The following ACO2 variants were observed in gnomAD, a reference collection of about 807,000 sequenced individuals.
The protein encoded by ACO2 is aconitase 2, also known as aconitate hydratase, mitochondrial.
A neutral mutation model predicts 84.5 loss-of-function variants in ACO2; 31 were observed. That is an observed-to-expected ratio of 0.37 (90% CI 0.28 to 0.50). The LOEUF (loss-of-function observed/expected upper bound fraction) is 0.50. ACO2 is among the 20% of genes least tolerant of loss of function. The pLI is 0.97. For missense variants in ACO2, 685 were observed against 1,029.3 expected (o/e 0.67, Z 4.58); for synonymous variants, 414 against 412.7 (o/e 1.00, Z -0.04).
At chr22:41,479,773 A>T (rs1160814068) in intron 1 of ACO2, among the ~76,000 whole-genome samples, 1 of 152,196 alleles carries the variant, frequency 6.6e-6, no homozygotes, top group Non-Finnish European at 1.5e-5. Flanking sequence ...GCCCGTCTCA[A>T]GTGTGTAGGT....
chr22:41,522,961 C>T lies in ACO2; in HGVS notation c.1270C>T (p.Arg424Cys), dbSNP rs767183173. Residue 424 changes from arginine (R) to cysteine (C), a missense_variant, in exon 10 of 18, where the codon CGC becomes TGC. Physicochemically the swap from Arg to Cys is radical, Grantham distance 180. Transcript: ENST00000216254. Reference sequence around the variant, plus strand: ...CATCACTCCAGGTTCCGAGCAGATCCGCGCCACCATTGAGCGGGACGGCTA... The same window carrying T: ...CATCACTCCAGGTTCCGAGCAGATCTGCGCCACCATTGAGCGGGACGGCTA... ...FTITPGSEQIRATIERDGYAQ... is the reference protein window; with the variant it reads ...FTITPGSEQICATIERDGYAQ... 22 of 1,614,084 alleles carry T rather than the reference C, an allele frequency of 1.4e-5. No individual in the cohort carries two copies. The highest frequency in any genetic ancestry group is 6.6e-5 in the South Asian group (6 of 91,088).
intron 1 of ACO2, among the ~76,000 whole-genome samples, chr22:41,485,796 A>G (rs1390357361): frequency 6.6e-6 from 1 of 151,992 alleles, no homozygotes; most frequent in Non-Finnish European, 1.5e-5. Context: ...CATGTTGGTC[A>G]GGCTGGTCTC....
chr22:41,518,610 G>T, intron 8 of ACO2, 38 bp downstream of exon 8: 1 of 1,492,918 alleles, frequency 6.7e-7, no homozygotes, highest in Non-Finnish European at 9.3e-7. Flanking sequence ...AAGTTTCTGA[G>T]AGTAGTGGGG....
At position 41,512,523 on chromosome 22, in the gene ACO2, G is replaced by A. The variant is rs528527587; in HGVS notation, c.525+555G>A. Among the ~76,000 whole-genome samples the A allele has an allele frequency of 4.3e-4, 66 of 152,320 alleles. 2 individuals carry two copies. In the South Asian group the frequency reaches 0.013, roughly 29 times the overall value. ...GCTGGCTTACTGTGGAGCCAGGCCT[G>A]TGGGCAGGAGGGCTGGTCTGGAGCG... On this transcript the variant is annotated intron_variant, in intron 4 of 17. Transcript: ENST00000216254.
chr22:41,527,491 G>A (rs1204379476), intron 16 of ACO2, 71 bp downstream of exon 16: 3 of 1,539,726 alleles, frequency 1.9e-6, no homozygotes, highest in Non-Finnish European at 2.6e-6. Flanking sequence ...CCCTGCCCGT[G>A]GCTGAGTTGG....
Position 41,509,155 on chromosome 22 carries a change from G to A in ACO2, c.432+1106G>A, listed in dbSNP as rs548954406. Among the ~76,000 whole-genome samples, 15 of 152,300 alleles carry A rather than the reference G, an allele frequency of 9.8e-5. No individual in the cohort carries two copies. In the South Asian group the frequency reaches 2.1e-3, roughly 21 times the overall value. ...CCGGGAACTGCACATGGCCGGGAACGTGGGTCCTCTGCAGCCCTGGGGACA... is the reference window on the plus strand; with the variant it reads ...CCGGGAACTGCACATGGCCGGGAACATGGGTCCTCTGCAGCCCTGGGGACA... On this transcript the variant is annotated intron_variant, in intron 3 of 17. Transcript: ENST00000216254.
Position 41,525,266 on chromosome 22 carries a change from C to T in ACO2, c.1679C>T (p.Pro560Leu). 1.2e-6 allele frequency: 2 copies of T among 1,614,036 alleles called. No homozygotes were observed. Among genetic ancestry groups the T allele is most frequent in the South Asian group, 2.2e-5 (2 of 91,080 alleles). ...DSSGQHVDVS[P>L]TSQRLQLLEP... ...AGCGGGCAGCATGTGGACGTGAGCC[C>T]CACCAGCCAGCGCCTGCAGCTCCTG... The change falls in exon 14 of 18, where the codon CCC (proline) becomes CTC (leucine). Residue 560 changes from proline to leucine, a missense_variant. Physicochemically the swap from Pro to Leu is moderately conservative, Grantham distance 98. Around this residue, in one of 5 missense-constraint regions of ACO2, gnomAD observed 311 missense variants for 441.6 expected, o/e 0.70. Coordinates refer to ENST00000216254, the MANE Select transcript of ACO2 (RefSeq NM_001098.3).
chr22:41,512,992 C>T (rs1472774107), intron 4 of ACO2, among the ~76,000 whole-genome samples: 1 of 152,188 alleles, frequency 6.6e-6, no homozygotes, highest in East Asian at 1.9e-4. Context: ...AATCTGACGC[C>T]GCATGGGCTC....
At chr22:41,496,275 A>G (rs1164200411) in intron 1 of ACO2, among the ~76,000 whole-genome samples, 1 of 152,086 alleles carries the variant, frequency 6.6e-6, no homozygotes, top group Non-Finnish European at 1.5e-5. Context: ...AGATCGTGCC[A>G]CTACACTCCA....
chr22:41,474,320 G>T (rs1423408260), intron 1 of ACO2, among the ~76,000 whole-genome samples: 6 of 147,270 alleles, frequency 4.1e-5, no homozygotes, highest in African/African-American at 7.7e-5. Context: ...TTGAGACAGG[G>T]TCTCGCTCTG....
chr22:41,518,368 G>C (rs1167794850), intron 7 of ACO2, 113 bp from the exon 8 acceptor site: 4 of 771,128 alleles, frequency 5.2e-6, no homozygotes, highest in African/African-American at 5.2e-5. Context: ...CATTGGCCTA[G>C]TCAGTGCCCA....
rs1395288245 is a variant in ACO2 at position 41,527,555 on chromosome 22, CCTT to C, written c.2086+139_2086+141del. The C allele has an allele frequency of 2.6e-5, 33 of 1,246,152 alleles. No individual in the cohort carries two copies. In the Admixed American group the frequency reaches 6.6e-4, roughly 25 times the overall value. The allele number at this position is 1,246,152 out of a possible 1,614,324, so 77.2% of individuals were successfully genotyped here. On this transcript the variant is annotated intron_variant, in intron 16 of 17. Transcript: ENST00000216254. ...CCCACAGGCCCGTCAGCCTCTTGCC[CCTT>C]CTTAGGCTCACACAGTGCACATCCG...
chr22:41,500,244 A>AG (rs1163505028), intron 2 of ACO2, among the ~76,000 whole-genome samples: 1 of 152,088 alleles, frequency 6.6e-6, no homozygotes, highest in African/African-American at 2.4e-5. Context: ...ACAGGCACAG[A>AG]GGAGAGCTCA....
intron 3 of ACO2, among the ~76,000 whole-genome samples, chr22:41,508,826 C>T (rs1057201818): frequency 6.6e-6 from 1 of 152,210 alleles, no homozygotes; most frequent in Non-Finnish European, 1.5e-5. Flanking sequence ...GGAGTGGGTC[C>T]CCCTCACGGG....
chr22:41,499,682 C>G, intron 1 of ACO2, 44 bp from the exon 2 acceptor site: 1 of 1,601,580 alleles, frequency 6.2e-7, no homozygotes, highest in Non-Finnish European at 8.5e-7. Flanking sequence ...GATGGACTCT[C>G]CTAAGTGCTC....
At chr22:41,509,749 C>A (rs1052342014) in intron 3 of ACO2, among the ~76,000 whole-genome samples, 1 of 149,956 alleles carries the variant, frequency 6.7e-6, no homozygotes, top group African/African-American at 2.5e-5. Context: ...AACGCGAGGG[C>A]TGTGGGAACG....
At chr22:41,493,934 C>T (rs576580486) in intron 1 of ACO2, among the ~76,000 whole-genome samples, 2 of 152,212 alleles carry the variant, frequency 1.3e-5, no homozygotes, top group South Asian at 4.1e-4. Context: ...TGGCACATGC[C>T]TGTAATCCCA....
At chr22:41,519,073 G>C (rs2066499501) in intron 8 of ACO2, among the ~76,000 whole-genome samples, 1 of 152,238 alleles carries the variant, frequency 6.6e-6, no homozygotes, top group Admixed American at 6.5e-5. Flanking sequence ...GGGGAGAGCA[G>C]AGGTAGCTCT....
rs111772902 is a variant in ACO2, at chr22:41,489,748, C to T, written c.37-9978C>T. On this transcript the variant is annotated intron_variant, in intron 1 of 17. Coordinates refer to ENST00000216254, the MANE Select transcript of ACO2 (RefSeq NM_001098.3). ...CGGGTGGTCCTGCTGTCGGTGGTGC[C>T]GTGTTTGATCTCTGGGTTAAAATGG... Among the ~76,000 whole-genome samples, 224 of 151,756 alleles carry T rather than the reference C, an allele frequency of 1.5e-3. 1 individual carries two copies. The highest frequency in any genetic ancestry group is 6.8e-3 in the Middle Eastern group (2 of 292).
Sources: gnomAD v4.1 joint callset for allele counts (sites outside exome capture counted in the v4.1 genomes callset) on GRCh38, gnomAD v4.1.1 for gene constraint, gnomAD v4.1.1 regional missense constraint, MANE v1.5 for transcripts, NCBI Gene and HGNC (gene_info 2026-07-23, HGNC 2026-07-21) for gene names.